SRGAP1: variants seen among roughly 807,000 people sequenced by gnomAD.
SRGAP1 encodes SLIT-ROBO Rho GTPase-activating protein 1.
SRGAP1 carries 43 observed loss-of-function variants against 121.9 expected under a neutral mutation model. That is an observed-to-expected ratio of 0.35 (90% CI 0.28 to 0.46). The LOEUF is 0.46. SRGAP1 is among the 20% of genes least tolerant of loss of function. The probability of loss-of-function intolerance (pLI) is 1.00; values close to 1 mark genes in which losing one functional copy is unlikely to be tolerated. For synonymous variants in SRGAP1, 447 were observed against 485.4 expected (o/e 0.92, Z 1.04); for missense variants, 1,102 against 1,350.9 (o/e 0.82, Z 2.89).
At chr12:64,021,802 A>T (rs1357256943) in intron 4 of SRGAP1, among the ~76,000 whole-genome samples, 1 of 152,224 alleles carries the variant, frequency 6.6e-6, no homozygotes, top group Non-Finnish European at 1.5e-5. Flanking sequence ...GGCAACCTGT[A>T]CTTCTTAGAC....
chr12:63,849,311 G>C (rs1162350831), intron 1 of SRGAP1, among the ~76,000 whole-genome samples: 1 of 152,144 alleles, frequency 6.6e-6, no homozygotes, highest in East Asian at 1.9e-4. Context: ...TGTAATTCTT[G>C]TATTCTGCAG....
intron 1 of SRGAP1, among the ~76,000 whole-genome samples, chr12:63,899,292 G>C (rs576085089): frequency 1.2e-3 from 180 of 152,062 alleles, no homozygotes; most frequent in Middle Eastern, 3.4e-3. Flanking sequence ...AGAGGTAGGA[G>C]TGCCATTGTA....
chr12:63,906,581 G>A (rs1262436403), intron 1 of SRGAP1, among the ~76,000 whole-genome samples: 1 of 151,940 alleles, frequency 6.6e-6, no homozygotes, highest in Non-Finnish European at 1.5e-5. Flanking sequence ...CCAAAGTGCT[G>A]GGATTACAGG....
At chr12:63,894,096 C>T (rs1900672947) in intron 1 of SRGAP1, among the ~76,000 whole-genome samples, 1 of 152,224 alleles carries the variant, frequency 6.6e-6, no homozygotes, top group Admixed American at 6.5e-5. Flanking sequence ...GCCTCAGCCT[C>T]CCAAAGTGCT....
chr12:63,957,417 C>G (rs912380775), intron 1 of SRGAP1, among the ~76,000 whole-genome samples: 1 of 152,090 alleles, frequency 6.6e-6, no homozygotes, highest in Admixed American at 6.6e-5. Context: ...GCTGGGCCAG[C>G]GAACCCATAA....
intron 15 of SRGAP1, among the ~76,000 whole-genome samples, chr12:64,101,308 G>GTGTGTGTGTGT (rs1555174256): frequency 1.4e-5 from 2 of 138,098 alleles, no homozygotes; most frequent in East Asian, 4.4e-4. Context: ...TGGGGAAAGG[G>GTGTGTGTGTGT]GTGTGTGTGT....
chr12:64,086,616 G>A (rs2035944147), intron 10 of SRGAP1, among the ~76,000 whole-genome samples: 1 of 151,112 alleles, frequency 6.6e-6, no homozygotes, highest in Admixed American at 6.6e-5. Context: ...ACAAGTGTCA[G>A]TCAAAACAGA....
chr12:63,873,252 C>T (rs1038757144), intron 1 of SRGAP1, among the ~76,000 whole-genome samples: 1 of 151,850 alleles, frequency 6.6e-6, no homozygotes, highest in Non-Finnish European at 1.5e-5. Flanking sequence ...GAAAGTTGGC[C>T]GGGCGCGGTA....
chr12:63,850,529 C>G (rs1327811088), intron 1 of SRGAP1, among the ~76,000 whole-genome samples: 1 of 151,364 alleles, frequency 6.6e-6, no homozygotes, highest in African/African-American at 2.4e-5. Context: ...CTCCTGGGCT[C>G]AAGCGATTCT....
intron 1 of SRGAP1, among the ~76,000 whole-genome samples, chr12:63,878,076 GGCTCTC>G: frequency 6.6e-6 from 1 of 152,328 alleles, no homozygotes; most frequent in East Asian, 1.9e-4. Context: ...ATGCAAGTCA[GGCTCTC>G]TTTATCTAAT....
At chr12:64,138,446 CTTTTTTTTTTTT>C (rs60769104) in intron 21 of SRGAP1, among the ~76,000 whole-genome samples, 3 of 78,670 alleles carry the variant, frequency 3.8e-5, no homozygotes, top group African/African-American at 1.1e-4. Flanking sequence ...AATAAATTGA[CTTTTTTTTTTTT>C]TTTTTTTTTT....
At chr12:64,108,324 A>G (rs2036378452) in intron 15 of SRGAP1, among the ~76,000 whole-genome samples, 2 of 152,186 alleles carry the variant, frequency 1.3e-5, no homozygotes, top group Non-Finnish European at 2.9e-5. Context: ...AGATAAGGAA[A>G]TAAATAGCTA....
chr12:63,998,635 C>A (rs1205734579), intron 3 of SRGAP1, among the ~76,000 whole-genome samples: 2 of 152,172 alleles, frequency 1.3e-5, no homozygotes, highest in African/African-American at 2.4e-5. Flanking sequence ...TATTTATATT[C>A]TTTTTCATCA....
intron 1 of SRGAP1, among the ~76,000 whole-genome samples, chr12:63,937,276 G>T (rs2031696001): frequency 6.6e-6 from 1 of 152,178 alleles, no homozygotes; most frequent in African/African-American, 2.4e-5. Context: ...GGATGTTGCT[G>T]ACAATGGCCC....
At chr12:63,860,504 G>A (rs1899406939) in intron 1 of SRGAP1, among the ~76,000 whole-genome samples, 1 of 152,102 alleles carries the variant, frequency 6.6e-6, no homozygotes, top group Non-Finnish European at 1.5e-5. Context: ...CATCTGCAAA[G>A]TCATCTGGGT....
Position 64,095,108 on chromosome 12 carries a change from T to G in SRGAP1, c.1601-19T>G. ...AATGTGATGGGGGTTTTATCCTCTT[T>G]CCCTTCTTTTCTCTTTAGGTCTTCA... On this transcript the variant is annotated intron_variant, in intron 13 of 21. Coordinates refer to ENST00000355086, the MANE Select transcript of SRGAP1 (RefSeq NM_020762.4). The G allele has an allele frequency of 6.2e-7, 1 of 1,613,608 alleles. No individual in the cohort carries two copies. Among genetic ancestry groups the G allele is most frequent in the Non-Finnish European group, 8.5e-7 (1 of 1,179,602 alleles).
At chr12:64,053,200 C>G (rs2035272054) in intron 6 of SRGAP1, among the ~76,000 whole-genome samples, 1 of 152,180 alleles carries the variant, frequency 6.6e-6, no homozygotes. Flanking sequence ...TAAACATTTT[C>G]TGTAAGGGGC....
chr12:63,964,833 T>C (rs2032742231), intron 1 of SRGAP1, among the ~76,000 whole-genome samples: 1 of 152,228 alleles, frequency 6.6e-6, no homozygotes, highest in Non-Finnish European at 1.5e-5. Flanking sequence ...CTATGTAATA[T>C]TGAGTCACTT....
chr12:64,129,661 T>C (rs2036752431), intron 21 of SRGAP1, among the ~76,000 whole-genome samples: 8 of 152,190 alleles, frequency 5.3e-5, no homozygotes, highest in Admixed American at 5.2e-4. Flanking sequence ...CCTAACATGA[T>C]ACAACTGTCC....
Sources: allele counts gnomAD v4.1 joint callset (sites outside exome capture counted in the v4.1 genomes callset), GRCh38; gene constraint gnomAD v4.1.1; transcripts MANE v1.5; gene names NCBI Gene and HGNC (gene_info 2026-07-23, HGNC 2026-07-21).